Variants in COA1 observed in about 807,000 individuals in gnomAD.
COA1 encodes the protein cytochrome c oxidase assembly factor 1 homolog.
A neutral mutation model predicts 16.0 loss-of-function variants in COA1; 13 were observed. That is an observed-to-expected ratio of 0.81 (90% CI 0.53 to 1.29). COA1 has a LOEUF of 1.29. Ranked by LOEUF, COA1 falls within the 50% of genes most tolerant of loss-of-function variation. COA1 has a pLI of 0.00. For missense variants in COA1, 179 were observed against 177.0 expected (o/e 1.01, Z -0.06); for synonymous variants, 65 against 65.7 (o/e 0.99, Z 0.05).
At chr7:43,688,256 C>T (rs1260030635) in intron 1 of COA1, among the ~76,000 whole-genome samples, 1 of 152,144 alleles carries the variant, frequency 6.6e-6, no homozygotes, top group Non-Finnish European at 1.5e-5. Context: ...TGACATAAGA[C>T]TAAGTCATCA....
intron 1 of COA1, among the ~76,000 whole-genome samples, chr7:43,685,809 T>C (rs1292019674): frequency 1.3e-5 from 2 of 152,218 alleles, no homozygotes; most frequent in Non-Finnish European, 2.9e-5. Context: ...GGTTATTAAT[T>C]GGGTTGTGAA....
intron 1 of COA1, among the ~76,000 whole-genome samples, chr7:43,698,731 T>A (rs1452661725): frequency 6.6e-6 from 1 of 152,208 alleles, no homozygotes; most frequent in Non-Finnish European, 1.5e-5. Context: ...TACTTACACA[T>A]GATCTTTGGT....
intron 1 of COA1, among the ~76,000 whole-genome samples, chr7:43,691,054 CAAAAAA>C (rs1173049196): frequency 3.7e-4 from 15 of 40,040 alleles, no homozygotes; most frequent in South Asian, 9.6e-4. Context: ...CTCATCACTA[CAAAAAA>C]AAAAAAAAAA....
intron 6 of COA1, chr7:43,619,537 C>T (rs1331338667): frequency 1.9e-6 from 3 of 1,569,658 alleles, no homozygotes; most frequent in Middle Eastern, 1.7e-4. Context: ...TTATGGGCTG[C>T]ATGTTTTGTG....
At chr7:43,632,018 CTGCATTTAT>C (rs1464784339) in intron 6 of COA1, 2 of 152,226 alleles carry the variant, frequency 1.3e-5, no homozygotes, top group Non-Finnish European at 2.9e-5. Context: ...GTGAAGTTTG[CTGCATTTAT>C]TAACTCTTTC....
chr7:43,644,789 GGC>G (rs531734116), intron 4 of COA1, among the ~76,000 whole-genome samples: 29,642 of 101,690 alleles, frequency 0.29, 5,213 homozygotes, highest in South Asian at 0.4. Flanking sequence ...CAGGCAGGCA[GGC>G]AGAGAGACAG....
chr7:43,684,466 T>A (rs963081560), intron 1 of COA1, among the ~76,000 whole-genome samples: 8 of 152,116 alleles, frequency 5.3e-5, no homozygotes, highest in African/African-American at 1.9e-4. Flanking sequence ...CAAAAGCAAG[T>A]GTCCCAGAAA....
chr7:43,699,118 A>G (rs1283565080), intron 1 of COA1, among the ~76,000 whole-genome samples: 1 of 152,170 alleles, frequency 6.6e-6, no homozygotes, highest in African/African-American at 2.4e-5. Context: ...ACCAAATTAC[A>G]GGAGTGGGAG....
chr7:43,624,098 A>G (rs138637135), intron 6 of COA1, among the ~76,000 whole-genome samples: 1 of 152,314 alleles, frequency 6.6e-6, no homozygotes, highest in Non-Finnish European at 1.5e-5. Context: ...AAAAATGAAA[A>G]TATTTTGAGA....
chr7:43,657,684 T>C (rs2091921403), intron 1 of COA1, among the ~76,000 whole-genome samples: 1 of 149,446 alleles, frequency 6.7e-6, no homozygotes, highest in Non-Finnish European at 1.5e-5. Flanking sequence ...TAATAAGTAC[T>C]TTAAAAAAAA....
At chr7:43,651,572 G>A (rs1032052201) in intron 1 of COA1, among the ~76,000 whole-genome samples, 4 of 151,766 alleles carry the variant, frequency 2.6e-5, no homozygotes, top group Non-Finnish European at 5.9e-5. Context: ...TCACCAGGCG[G>A]ATCAACAGAA....
At chr7:43,628,354 CCTT>C (rs763988916) in intron 6 of COA1, among the ~76,000 whole-genome samples, 7 of 152,136 alleles carry the variant, frequency 4.6e-5, no homozygotes, top group African/African-American at 7.2e-5. Flanking sequence ...ATGTAGCTAT[CCTT>C]CTGTTCATGG....
At chr7:43,622,827 A>G (rs1442240925) in intron 6 of COA1, 1 of 151,668 alleles carries the variant, frequency 6.6e-6, no homozygotes, top group East Asian at 1.9e-4. Flanking sequence ...CAGCCTCCCC[A>G]ATAGCTGGGT....
intron 1 of COA1, among the ~76,000 whole-genome samples, chr7:43,680,726 T>C (rs377211475): frequency 2.6e-4 from 39 of 152,240 alleles, no homozygotes; most frequent in African/African-American, 8.9e-4. Flanking sequence ...CCCAGCACTG[T>C]GAGGGGCAGA....
downstream of COA1, among the ~76,000 whole-genome samples, chr7:43,637,551 TCA>T (rs1427008572): frequency 6.6e-6 from 1 of 152,046 alleles, no homozygotes; most frequent in African/African-American, 2.4e-5. Context: ...GATGGCTGAG[TCA>T]CAGTGATGAA....
intron 1 of COA1, among the ~76,000 whole-genome samples, chr7:43,655,073 C>G (rs1389662076): frequency 6.6e-6 from 1 of 152,088 alleles, no homozygotes; most frequent in Non-Finnish European, 1.5e-5. Flanking sequence ...ATATTAGGAC[C>G]AGCAGCATGC....
intron 1 of COA1, among the ~76,000 whole-genome samples, chr7:43,656,857 G>A (rs916361317): frequency 2.1e-5 from 3 of 142,650 alleles, no homozygotes; most frequent in African/African-American, 7.5e-5. Flanking sequence ...ACTAGAGAGG[G>A]AGACCACAGA....
chr7:43,625,483 AAG>A (rs1200803950), intron 6 of COA1: 1 of 152,196 alleles, frequency 6.6e-6, no homozygotes, highest in South Asian at 2.1e-4. Context: ...TGTCACTAGT[AAG>A]AGAGGTGGTA....
chr7:43,617,843 A>AGAAG (rs1408701721), intron 6 of COA1, among the ~76,000 whole-genome samples: 3 of 152,328 alleles, frequency 2.0e-5, no homozygotes, highest in African/African-American at 7.2e-5. Flanking sequence ...ACCAGGTAAA[A>AGAAG]GAAGGTGGCC....
Sources: allele counts gnomAD v4.1 joint callset (sites outside exome capture counted in the v4.1 genomes callset), GRCh38; gene constraint gnomAD v4.1.1; transcripts MANE v1.5; gene names NCBI Gene and HGNC (gene_info 2026-07-23, HGNC 2026-07-21).